The following GRIA4 variants were observed in gnomAD, a reference collection of about 807,000 sequenced individuals.
GRIA4 encodes glutamate ionotropic receptor AMPA type subunit 4, also known as glutamate receptor 4.
GRIA4 carries 34 observed loss-of-function variants against 104.0 expected under a neutral mutation model. That is an observed-to-expected ratio of 0.33 (90% CI 0.25 to 0.44). The LOEUF (loss-of-function observed/expected upper bound fraction) is 0.44. Among genes scored for constraint, GRIA4 ranks in the 20% least tolerant of loss-of-function variants. The probability of loss-of-function intolerance (pLI) is 1.00; values close to 1 mark genes in which losing one functional copy is unlikely to be tolerated. For synonymous variants in GRIA4, 386 were observed against 381.9 expected, an observed-to-expected ratio of 1.01 and a Z score of -0.13; for missense variants, 750 against 1,096.5, an observed-to-expected ratio of 0.68 and a Z score of 4.46.
chr11:105,712,981 A>C (rs555577005), intron 3 of GRIA4, among the ~76,000 whole-genome samples: 19 of 152,298 alleles, frequency 1.2e-4, no homozygotes, highest in Non-Finnish European at 2.2e-4. Context: ...GAGATATTGA[A>C]TATCATAATG....
Position 105,875,021 on chromosome 11 carries a change from GC to G in GRIA4, c.673-12495del, listed in dbSNP as rs1261508903. ...TTCAAAGGGAATGCTTCCAGCTTTT[GC>G]CCATTCAGTATGATATCGCCTGTGC... On this transcript the variant is annotated intron_variant, in intron 5 of 16. Coordinates refer to ENST00000282499, the MANE Select transcript of GRIA4 (RefSeq NM_000829.4). Among the ~76,000 whole-genome samples the G allele has an allele frequency of 2.0e-5, 3 of 152,148 alleles. 1 individual carries two copies. Among genetic ancestry groups the G allele is most frequent in the South Asian group, 4.1e-4 (2 of 4,824 alleles).
intron 4 of GRIA4, among the ~76,000 whole-genome samples, chr11:105,853,075 C>A (rs1341880125): frequency 8.0e-6 from 1 of 125,104 alleles, no homozygotes; most frequent in Non-Finnish European, 1.8e-5. Flanking sequence ...TTAATGAGAT[C>A]TGTTGGACTC....
At chr11:105,923,866 C>A (rs1335383682) in intron 11 of GRIA4, among the ~76,000 whole-genome samples, 1 of 152,030 alleles carries the variant, frequency 6.6e-6, no homozygotes, top group Non-Finnish European at 1.5e-5. Context: ...TTTCTTTTAT[C>A]ATACAAGCAC....
chr11:105,775,712 T>C (rs886350880), intron 4 of GRIA4, among the ~76,000 whole-genome samples: 3 of 152,076 alleles, frequency 2.0e-5, no homozygotes, highest in African/African-American at 4.8e-5. Context: ...AACAGGTATA[T>C]AGAATATTTT....
rs182227876 is a variant in GRIA4, at chr11:105,767,961, A to G, written c.487+14741A>G. ...AGCCAAAGAAAATAGTAGAGTAAGC[A>G]GGTCCTAGACAGTTAACACATAACA... On this transcript the variant is annotated intron_variant, in intron 4 of 16. Coordinates refer to ENST00000282499, the MANE Select transcript of GRIA4 (RefSeq NM_000829.4). Among the ~76,000 whole-genome samples, 194 of 152,290 alleles carry G rather than the reference A, an allele frequency of 1.3e-3. 2 individuals are homozygous for G. The East Asian group carries it at 0.033, about 26-fold the overall frequency.
At chr11:105,938,661 C>T (rs926512015) in intron 14 of GRIA4, among the ~76,000 whole-genome samples, 1 of 152,080 alleles carries the variant, frequency 6.6e-6, no homozygotes, top group African/African-American at 2.4e-5. Context: ...AAGGATTAGA[C>T]AAACACACAC....
At chr11:105,844,313 A>G (rs1649963593) in intron 4 of GRIA4, among the ~76,000 whole-genome samples, 1 of 152,232 alleles carries the variant, frequency 6.6e-6, no homozygotes, top group African/African-American at 2.4e-5. Context: ...TCTGTGGACA[A>G]ATAGTCCATT....
At position 105,980,494 on chromosome 11, in the gene GRIA4, T is replaced by C. The variant is rs1404515305; in HGVS notation, c.*755T>C. 1.3e-5 allele frequency: 2 copies of C among 152,636 alleles called. No homozygotes were observed. Among genetic ancestry groups the C allele is most frequent in the East Asian group, 3.9e-4 (2 of 5,184 alleles). 9.5% of individuals were successfully genotyped at this position (152,636 alleles called of 1,614,324 possible). A position where few individuals can be genotyped will look rare whatever the true frequency, so the allele number is the denominator to read the frequency against. ...TTCTTGTTTGCTGTAACCTTCACTA[T>C]GTCACATGAGTCGATTCACCGATTG... is the stretch of plus-strand genomic sequence containing the variant. On this transcript the variant is annotated 3_prime_UTR_variant, in exon 17 of 17. Transcript: ENST00000282499.
chr11:105,714,474 G>T (rs994962376), intron 3 of GRIA4, among the ~76,000 whole-genome samples: 7 of 152,058 alleles, frequency 4.6e-5, no homozygotes, highest in Admixed American at 4.6e-4. Context: ...CATTCTGTCT[G>T]AAAGTAACTA....
intron 3 of GRIA4, among the ~76,000 whole-genome samples, chr11:105,688,922 C>T (rs968987513): frequency 6.6e-6 from 1 of 151,666 alleles, no homozygotes; most frequent in African/African-American, 2.4e-5. Context: ...TCAAGGAAGG[C>T]ATTTCTGATG....
intron 3 of GRIA4, among the ~76,000 whole-genome samples, chr11:105,691,390 G>A (rs1291481614): frequency 6.6e-6 from 1 of 152,220 alleles, no homozygotes. Flanking sequence ...AGAAGACAAT[G>A]TAGTCTGTTT....
At position 105,851,082 on chromosome 11, in the gene GRIA4, C is replaced by T. The variant is rs186794235; in HGVS notation, c.488-10942C>T. On this transcript the variant is annotated intron_variant, in intron 4 of 16. Transcript: ENST00000282499. ...TAAAATGAAGATAATAAAACTAACA[C>T]CATGCCAATAAAGCACTTAATACAA... Among the ~76,000 whole-genome samples the T allele has an allele frequency of 7.1e-4, 108 of 152,204 alleles. No individual in the cohort carries two copies. The East Asian group carries it at 9.8e-3, about 14-fold the overall frequency.
chr11:105,858,007 G>C (rs1945076652), intron 4 of GRIA4, among the ~76,000 whole-genome samples: 1 of 151,886 alleles, frequency 6.6e-6, no homozygotes, highest in African/African-American at 2.4e-5. Flanking sequence ...GACATGTAAG[G>C]GTGCAGTAGC....
intron 4 of GRIA4, among the ~76,000 whole-genome samples, chr11:105,769,620 G>T (rs1941120416): frequency 6.6e-6 from 1 of 151,882 alleles, no homozygotes; most frequent in Non-Finnish European, 1.5e-5. Flanking sequence ...GGGGGCAGGG[G>T]GTACCAAGAG....
At chr11:105,827,314 C>G (rs946170344) in intron 4 of GRIA4, among the ~76,000 whole-genome samples, 1 of 151,744 alleles carries the variant, frequency 6.6e-6, no homozygotes, top group Non-Finnish European at 1.5e-5. Context: ...GATACAATAT[C>G]AAATCAGTGA....
At chr11:105,864,321 G>A (rs1472812954) in intron 5 of GRIA4, among the ~76,000 whole-genome samples, 2 of 152,090 alleles carry the variant, frequency 1.3e-5, no homozygotes, top group Non-Finnish European at 2.9e-5. Flanking sequence ...TCTTCCACAA[G>A]AGCTAATCCA....
chr11:105,836,384 G>C (rs1379205034), intron 4 of GRIA4, among the ~76,000 whole-genome samples: 1 of 152,088 alleles, frequency 6.6e-6, no homozygotes, highest in Non-Finnish European at 1.5e-5. Context: ...CTTACTTGAA[G>C]GTTTTAGCCA....
chr11:105,783,777 T>TGTGC (rs1555006942), intron 4 of GRIA4, among the ~76,000 whole-genome samples: 3 of 151,498 alleles, frequency 2.0e-5, no homozygotes, highest in Admixed American at 2.0e-4. Context: ...TGTGTGTGTG[T>TGTGC]GTGTGTGTGT....
At chr11:105,730,451 C>T (rs185012042) in intron 3 of GRIA4, among the ~76,000 whole-genome samples, 18 of 152,232 alleles carry the variant, frequency 1.2e-4, no homozygotes, top group Non-Finnish European at 2.6e-4. Context: ...AGTCATACTG[C>T]CCAAAATAAT....
Sources: gnomAD v4.1 joint callset for allele counts (sites outside exome capture counted in the v4.1 genomes callset) on GRCh38, gnomAD v4.1.1 for gene constraint, MANE v1.5 for transcripts, NCBI Gene and HGNC (gene_info 2026-07-23, HGNC 2026-07-21) for gene names.